PRKAG2: variants seen among roughly 807,000 people sequenced by gnomAD.
PRKAG2 encodes the protein protein kinase AMP-activated non-catalytic subunit gamma 2.
A neutral mutation model predicts 69.6 loss-of-function variants in PRKAG2; 26 were observed. That is an observed-to-expected ratio of 0.37 (90% CI 0.27 to 0.52). The LOEUF (loss-of-function observed/expected upper bound fraction) is 0.52. PRKAG2 is among the 20% of genes least tolerant of loss of function. The pLI is 0.90. For synonymous variants in PRKAG2, 293 were observed against 285.0 expected, an observed-to-expected ratio of 1.03 and a Z score of -0.28; for missense variants, 557 against 740.0, an observed-to-expected ratio of 0.75 and a Z score of 2.87.
intron 5 of PRKAG2, among the ~76,000 whole-genome samples, chr7:151,606,018 G>A (rs1817492096): frequency 6.6e-6 from 1 of 151,120 alleles, no homozygotes; most frequent in African/African-American, 2.4e-5. Flanking sequence ...CTACACTCCA[G>A]CCTGGGGAAC....
chr7:151,590,664 T>C (rs1164563675), intron 6 of PRKAG2, among the ~76,000 whole-genome samples: 1 of 152,188 alleles, frequency 6.6e-6, no homozygotes, highest in African/African-American at 2.4e-5. Context: ...CCCCTTGACC[T>C]GTAACTGGGG....
chr7:151,636,211 T>C (rs576472354), intron 4 of PRKAG2, among the ~76,000 whole-genome samples: 135 of 152,274 alleles, frequency 8.9e-4, no homozygotes, highest in African/African-American at 3.2e-3. Context: ...ATTTAAAGTG[T>C]GCAGCCCAGT....
chr7:151,853,759 CAAA>C (rs56098823), intron 1 of PRKAG2, among the ~76,000 whole-genome samples: 2,237 of 109,948 alleles, frequency 0.02, 36 homozygotes, highest in East Asian at 0.06. Flanking sequence ...GACTCCGTCT[CAAA>C]AAAAAAAAAA....
At chr7:151,576,937 C>G (rs752398415) in intron 6 of PRKAG2, among the ~76,000 whole-genome samples, 15 of 151,910 alleles carry the variant, frequency 9.9e-5, no homozygotes, top group Non-Finnish European at 2.2e-4. Context: ...TAAAGGCATA[C>G]AGGGATTAGA....
chr7:151,632,040 CG>C lies in PRKAG2; in HGVS notation c.754+28del. The C allele has an allele frequency of 7.5e-7, 1 of 1,329,872 alleles. No individual in the cohort carries two copies. The allele number at this position is 1,329,872 out of a possible 1,614,324, so 82.4% of individuals were successfully genotyped here. On this transcript the variant is annotated intron_variant, in intron 5 of 15. Coordinates refer to ENST00000287878, the MANE Select transcript of PRKAG2 (RefSeq NM_016203.4). The surrounding 1 kb of genome is among the most constrained non-coding windows in gnomAD (Gnocchi z 4.2). ...TCGGGCGGCCGGGCCGTGGGAGCGC[CG>C]GGCCGGCAGCGGGCGGGGCGCACTC...
chr7:151,715,347 A>AAAAAAAAAATT (rs1461649654), intron 3 of PRKAG2, among the ~76,000 whole-genome samples: 1 of 136,648 alleles, frequency 7.3e-6, no homozygotes, highest in Non-Finnish European at 1.6e-5. Flanking sequence ...AAAAAAAAAA[A>AAAAAAAAAATT]ATTATTATTA....
At chr7:151,718,980 TAGACTC>T (rs1310087504) in intron 3 of PRKAG2, among the ~76,000 whole-genome samples, 1 of 152,168 alleles carries the variant, frequency 6.6e-6, no homozygotes, top group Non-Finnish European at 1.5e-5. Context: ...AGTAGTTTCT[TAGACTC>T]AGATGATTCC....
chr7:151,687,373 G>C (rs754310185), intron 3 of PRKAG2, among the ~76,000 whole-genome samples: 2 of 152,244 alleles, frequency 1.3e-5, no homozygotes, highest in Non-Finnish European at 2.9e-5. Flanking sequence ...CTTTGTGAGA[G>C]AGAGAAATTC....
At chr7:151,735,814 T>C (rs1167316416) in intron 3 of PRKAG2, 2 of 1,480,368 alleles carry the variant, frequency 1.4e-6, no homozygotes, top group Non-Finnish European at 1.8e-6. Context: ...TGGAAACAGC[T>C]ACTGCTTAGG....
intron 6 of PRKAG2, among the ~76,000 whole-genome samples, chr7:151,579,806 G>C (rs1938353433): frequency 6.6e-6 from 1 of 152,136 alleles, no homozygotes; most frequent in African/African-American, 2.4e-5. Context: ...AAATCAGCTA[G>C]AGGGGGAAAA....
At chr7:151,601,216 G>A (rs1388785251) in intron 5 of PRKAG2, among the ~76,000 whole-genome samples, 1 of 152,126 alleles carries the variant, frequency 6.6e-6, no homozygotes, top group African/African-American at 2.4e-5. Flanking sequence ...AGAACACACA[G>A]GTGGGTCACC....
intron 1 of PRKAG2, among the ~76,000 whole-genome samples, chr7:151,795,850 T>C (rs2077481914): frequency 2.8e-5 from 1 of 35,092 alleles, no homozygotes; most frequent in Non-Finnish European, 5.3e-5. Flanking sequence ...AAATCTCATA[T>C]ATATATATAT....
intron 5 of PRKAG2, among the ~76,000 whole-genome samples, chr7:151,615,224 T>C (rs888500235): frequency 6.6e-6 from 1 of 152,250 alleles, no homozygotes; most frequent in Non-Finnish European, 1.5e-5. Context: ...TTTTTATGCC[T>C]ATATAGTATT....
chr7:151,815,769 C>A (rs186476433), intron 1 of PRKAG2, among the ~76,000 whole-genome samples: 1 of 152,264 alleles, frequency 6.6e-6, no homozygotes, highest in East Asian at 1.9e-4. Flanking sequence ...AGAAAATGAA[C>A]TTGAATTGTT....
At chr7:151,688,451 G>C (rs986258228) in intron 3 of PRKAG2, among the ~76,000 whole-genome samples, 13 of 152,204 alleles carry the variant, frequency 8.5e-5, no homozygotes, top group African/African-American at 3.1e-4. Flanking sequence ...GGTAAACTTG[G>C]AATTTACCCC....
chr7:151,823,244 AT>A (rs35234144), intron 1 of PRKAG2, among the ~76,000 whole-genome samples: 9 of 151,294 alleles, frequency 5.9e-5, no homozygotes, highest in Non-Finnish European at 8.8e-5. Context: ...TTGTATCAAC[AT>A]TTTTTTTTCC....
At chr7:151,741,259 A>T (rs1212836698) in intron 3 of PRKAG2, among the ~76,000 whole-genome samples, 1 of 152,180 alleles carries the variant, frequency 6.6e-6, no homozygotes, top group Non-Finnish European at 1.5e-5. Context: ...AAAGCAAAAC[A>T]TCTTTAGGAA....
intron 15 of PRKAG2, chr7:151,558,796 G>A (rs999376857): frequency 1.4e-5 from 14 of 985,296 alleles, no homozygotes; most frequent in Non-Finnish European, 1.7e-5. Context: ...CAGCAGTGAT[G>A]GGAGGGGCAT....
At position 151,813,492 on chromosome 7, in the gene PRKAG2, G is replaced by GAAAAA. The variant is rs35161942; in HGVS notation, c.115-26956_115-26952dup. Reference sequence around the variant, plus strand: ...CTGGCTTACGGAAGGCGATTGTAAGGAAAAAAAAAAAAAAGGACATGGCTT... The same window carrying GAAAAA: ...CTGGCTTACGGAAGGCGATTGTAAGGAAAAAAAAAAAAAAAAAAAGGACATGGCTT... On this transcript the variant is annotated intron_variant, in intron 1 of 15. Transcript: ENST00000287878. 6.5e-5 allele frequency among the ~76,000 whole-genome samples: 9 copies of GAAAAA among 137,992 alleles called. 1 individual carries two copies. Among genetic ancestry groups the GAAAAA allele is most frequent in the African/African-American group, 1.1e-4 (4 of 36,886 alleles). The allele number at this position is 137,992 out of a possible 152,430, so 90.5% of individuals were successfully genotyped here. A position where few individuals can be genotyped will look rare whatever the true frequency, so the allele number is the denominator to read the frequency against.
Sources: allele counts gnomAD v4.1 joint callset (sites outside exome capture counted in the v4.1 genomes callset), GRCh38; gene constraint gnomAD v4.1.1; non-coding constraint Gnocchi (gnomAD v3.1); transcripts MANE v1.5; gene names NCBI Gene and HGNC (gene_info 2026-07-23, HGNC 2026-07-21).